The following HDAC4 variants were observed in gnomAD, a reference collection of about 807,000 sequenced individuals.
HDAC4 encodes histone deacetylase 4, also known as histone deacetylase A.
HDAC4 carries 16 observed loss-of-function variants against 135.1 expected under a neutral mutation model. The observed-to-expected ratio is 0.12, with a 90% confidence interval of 0.08 to 0.18. The LOEUF (loss-of-function observed/expected upper bound fraction) is 0.18. Among genes scored for constraint, HDAC4 ranks in the 10% least tolerant of loss-of-function variants. The pLI is 1.00. For synonymous variants in HDAC4, 685 were observed against 653.4 expected (o/e 1.05, Z -0.74); for missense variants, 1,143 against 1,511.8 (o/e 0.76, Z 4.05).
At chr2:239,053,720 A>G in intron 25 of HDAC4, 119 bp from the exon 26 acceptor site, 1 of 807,668 alleles carries the variant, frequency 1.2e-6, no homozygotes, top group Non-Finnish European at 2.0e-6. Context: ...TATGATTTTA[A>G]AAGCACCCGT....
At chr2:239,159,887 T>C (rs969367251) in intron 6 of HDAC4, among the ~76,000 whole-genome samples, 2 of 152,278 alleles carry the variant, frequency 1.3e-5, no homozygotes, top group Non-Finnish European at 2.9e-5. Flanking sequence ...CACGGGGCCC[T>C]GGGGCCAACC....
At chr2:239,241,383 G>A (rs1366372787) in intron 2 of HDAC4, among the ~76,000 whole-genome samples, 1 of 152,170 alleles carries the variant, frequency 6.6e-6, no homozygotes, top group African/African-American at 2.4e-5. Flanking sequence ...TTTCCCAGAT[G>A]ACCAATGACA....
chr2:239,256,618 T>G (rs2049066500), intron 2 of HDAC4, among the ~76,000 whole-genome samples: 1 of 152,262 alleles, frequency 6.6e-6, no homozygotes, highest in Non-Finnish European at 1.5e-5. Flanking sequence ...GTTCTGTGTC[T>G]GCCCCTAAGA....
At chr2:239,102,019 C>T (rs990653361) in intron 16 of HDAC4, among the ~76,000 whole-genome samples, 7 of 147,524 alleles carry the variant, frequency 4.7e-5, no homozygotes, top group South Asian at 4.3e-4. Context: ...TGGAAGCCCC[C>T]GGCCCCGGGT....
intron 7 of HDAC4, among the ~76,000 whole-genome samples, chr2:239,147,508 T>C (rs2152924464): frequency 6.6e-6 from 1 of 152,392 alleles, no homozygotes; most frequent in South Asian, 2.1e-4. Context: ...GCTGCACGTG[T>C]ACTGGCTCAG....
At chr2:239,069,514 G>A (rs2033931719) in intron 22 of HDAC4, among the ~76,000 whole-genome samples, 1 of 120,220 alleles carries the variant, frequency 8.3e-6, no homozygotes, top group Non-Finnish European at 1.8e-5. Context: ...GAGTCACGGT[G>A]CAAGCCAGCA....
intron 3 of HDAC4, among the ~76,000 whole-genome samples, chr2:239,223,763 G>A (rs1210102867): frequency 6.6e-6 from 1 of 151,636 alleles, no homozygotes; most frequent in African/African-American, 2.4e-5. Context: ...GCCCAGCAAA[G>A]ATCCCGGAGC....
At chr2:239,286,504 C>T (rs967293128) in intron 2 of HDAC4, among the ~76,000 whole-genome samples, 1 of 151,786 alleles carries the variant, frequency 6.6e-6, no homozygotes, top group Non-Finnish European at 1.5e-5. Flanking sequence ...GGTGTGACAG[C>T]TGACTCTGCA....
At chr2:239,055,105 C>A in intron 24 of HDAC4, 1 of 400,134 alleles carries the variant, frequency 2.5e-6, no homozygotes, top group Non-Finnish European at 4.7e-6. Flanking sequence ...GTGGGGCTGG[C>A]ACCTGCACGT....
chr2:239,096,424 C>A (rs1199339049), intron 16 of HDAC4, among the ~76,000 whole-genome samples: 1 of 141,078 alleles, frequency 7.1e-6, no homozygotes, highest in South Asian at 2.4e-4. Context: ...CACCCCACCA[C>A]GGACGACTGC....
At chr2:239,062,570 C>T (rs554903812) in intron 24 of HDAC4, among the ~76,000 whole-genome samples, 2 of 152,376 alleles carry the variant, frequency 1.3e-5, no homozygotes, top group South Asian at 4.1e-4. Context: ...CAGGCCACGG[C>T]TGAAAGCGAA....
intron 17 of HDAC4, chr2:239,093,956 T>G: frequency 1.0e-6 from 1 of 985,376 alleles, no homozygotes; most frequent in Non-Finnish European, 1.2e-6. Context: ...ATGCCGTTTA[T>G]TCTCTTTCTG....
At position 239,368,608 on chromosome 2, in the gene HDAC4, C is replaced by T. The variant is rs879422916; in HGVS notation, c.-219-15690G>A. ...AGGGCCTCCGTCCTGAGGAGAGGGGCACAGGCTGTTTCCTCCAGACACAGA... is the reference window on the plus strand; with the variant it reads ...AGGGCCTCCGTCCTGAGGAGAGGGGTACAGGCTGTTTCCTCCAGACACAGA... On this transcript the variant is annotated intron_variant, in intron 1 of 26. Transcript: ENST00000543185. 3.3e-5 allele frequency among the ~76,000 whole-genome samples: 5 copies of T among 152,212 alleles called. No homozygotes were observed. The East Asian group carries it at 7.7e-4, about 24-fold the overall frequency.
chr2:239,122,846 C>T (rs558800178), intron 12 of HDAC4, among the ~76,000 whole-genome samples: 1 of 152,338 alleles, frequency 6.6e-6, no homozygotes, highest in South Asian at 2.1e-4. Flanking sequence ...GCCCCAGCTG[C>T]AACCCCAATG....
chr2:239,267,907 T>C (rs1280633521), intron 2 of HDAC4, among the ~76,000 whole-genome samples: 1 of 152,232 alleles, frequency 6.6e-6, no homozygotes, highest in Non-Finnish European at 1.5e-5. Context: ...CAAACAGTCT[T>C]TCAAATACCG....
chr2:239,162,743 C>T (rs1177984762), intron 6 of HDAC4, among the ~76,000 whole-genome samples: 3 of 152,264 alleles, frequency 2.0e-5, no homozygotes, highest in South Asian at 4.1e-4. Context: ...GCAAGCACAG[C>T]GGCTGCCAGA....
At chr2:239,174,380 C>G (rs1293729248) in intron 5 of HDAC4, among the ~76,000 whole-genome samples, 1 of 132,634 alleles carries the variant, frequency 7.5e-6, no homozygotes, top group Non-Finnish European at 1.6e-5. Flanking sequence ...AAGCACTTCA[C>G]AAAAAGGGGA....
intron 3 of HDAC4, among the ~76,000 whole-genome samples, chr2:239,222,643 T>C (rs1465774647): frequency 6.6e-6 from 1 of 152,096 alleles, no homozygotes; most frequent in Non-Finnish European, 1.5e-5. Context: ...ACCATCCGTC[T>C]GAGATGCTGC....
Position 239,115,261 on chromosome 2 carries a change from T to TCCGGGTGGCTCTCCGGCTGC in HDAC4, c.1563_1582dup (p.Glu528GlyfsTer43). Reference sequence around the variant, plus strand: ...CTCACGGAGCTCCTCCTCCGTCTCCTCCGGGTGGCTCTCCGGCTGCCGGGC... The same window carrying TCCGGGTGGCTCTCCGGCTGC: ...CTCACGGAGCTCCTCCTCCGTCTCCTCCGGGTGGCTCTCCGGCTGCCCGGGTGGCTCTCCGGCTGCCGGGC... On this transcript the variant is annotated frameshift_variant, in exon 13 of 27. Coordinates refer to ENST00000543185, the MANE Select transcript of HDAC4 (RefSeq NM_001378414.1). LOFTEE classifies it high-confidence loss of function. This position sits in a 1 kb window ranked among gnomAD's most constrained non-coding sequence, Gnocchi z 6.3. The TCCGGGTGGCTCTCCGGCTGC allele has an allele frequency of 6.2e-7, 1 of 1,613,316 alleles. No individual in the cohort carries two copies.
Sources: gnomAD v4.1 joint callset for allele counts (sites outside exome capture counted in the v4.1 genomes callset) on GRCh38, gnomAD v4.1.1 for gene constraint, Gnocchi (gnomAD v3.1) non-coding constraint, MANE v1.5 for transcripts, NCBI Gene and HGNC (gene_info 2026-07-23, HGNC 2026-07-21) for gene names.